Variants in GPSM2 observed in about 807,000 individuals in gnomAD.
The protein encoded by GPSM2 is G protein-signaling modulator 2.
GPSM2 carries 58 observed loss-of-function variants against 78.4 expected under a neutral mutation model. The ratio of observed to expected loss-of-function variants is 0.74; its 90% CI spans 0.60 to 0.92. The LOEUF is 0.92. Among genes scored for constraint, GPSM2 ranks in the 40% least tolerant of loss-of-function variants. The pLI, the probability that GPSM2 is intolerant of heterozygous loss-of-function variation, is 0.00. For missense variants in GPSM2, 700 were observed against 815.5 expected (o/e 0.86, Z 1.73); for synonymous variants, 224 against 280.2 (o/e 0.80, Z 2.00).
chr1:108,908,110 G>A (rs1307391301), intron 10 of GPSM2, among the ~76,000 whole-genome samples: 2 of 152,230 alleles, frequency 1.3e-5, no homozygotes, highest in African/African-American at 4.8e-5. Flanking sequence ...CATGGCTCAC[G>A]CCTGTAATTC....
chr1:108,884,638 G>A (rs957384701), intron 1 of GPSM2, among the ~76,000 whole-genome samples: 13 of 152,144 alleles, frequency 8.5e-5, no homozygotes, highest in African/African-American at 3.1e-4. Context: ...GAAGGAGATG[G>A]GTTAGGTTGG....
chr1:108,897,999 A>G lies in GPSM2; in HGVS notation c.455A>G (p.Tyr152Cys). The G allele has an allele frequency of 1.9e-6, 3 of 1,613,980 alleles. No individual in the cohort carries two copies. The highest frequency in any genetic ancestry group is 1.7e-6 in the Non-Finnish European group (2 of 1,179,798). Residue 152 changes from tyrosine (Y) to cysteine (C), a missense_variant, in exon 5 of 15, where the codon TAT (tyrosine) becomes TGT (cysteine). By Grantham distance (194) the Tyr-to-Cys change is radical (BLOSUM62 -2). Coordinates refer to ENST00000264126, the MANE Select transcript of GPSM2 (RefSeq NM_013296.5). Reference sequence around the variant, plus strand: ...GCACTTTACAATCTTGGGAATGTGTATCATGCCAAAGGGAAAAGTTTTGGT... The same window carrying G: ...GCACTTTACAATCTTGGGAATGTGTGTCATGCCAAAGGGAAAAGTTTTGGT... ...ARALYNLGNV[Y>C]HAKGKSFGCP...
At chr1:108,881,526 C>T (rs565906683) in intron 1 of GPSM2, among the ~76,000 whole-genome samples, 13 of 152,176 alleles carry the variant, frequency 8.5e-5, no homozygotes, top group Non-Finnish European at 1.8e-4. Context: ...CATGAGTGAA[C>T]ACATTATTGC....
At position 108,897,481 on chromosome 1, in the gene GPSM2, G is replaced by A; in HGVS notation, c.279-11G>A. The A allele has an allele frequency of 1.3e-6, 2 of 1,599,102 alleles. No individual in the cohort carries two copies. On this transcript the variant is annotated splice_polypyrimidine_tract_variant and intron_variant, in intron 3 of 14. Transcript: ENST00000264126. Reference sequence around the variant, plus strand: ...TTTGGTTTTTTGTTTTTTGTTTTTTGTTTTTTTCAGGACTATTGGAGACCA... The same window carrying A: ...TTTGGTTTTTTGTTTTTTGTTTTTTATTTTTTTCAGGACTATTGGAGACCA...
Position 108,922,491 on chromosome 1 carries a change from T to G in GPSM2, c.1515T>G (p.Asp505Glu). 3 of 1,611,834 alleles carry G rather than the reference T, an allele frequency of 1.9e-6. No individual in the cohort carries two copies. Among genetic ancestry groups the G allele is most frequent in the Non-Finnish European group, 2.5e-6 (3 of 1,177,964 alleles). Residue 505 changes from aspartate (D) to glutamate (E), a missense_variant, in exon 13 of 15, where the codon GAT becomes GAG. Asp to Glu is a conservative substitution (Grantham distance 45). Coordinates refer to ENST00000264126, the MANE Select transcript of GPSM2 (RefSeq NM_013296.5). ...GCCGATTTCAAAGCAATAGGATGGA[T>G]GATCAGAGATGTTGCTTACAAGAAA... ...LLSRFQSNRM[D>E]DQRCCLQEKN...
chr1:108,894,834 A>G (rs543238420), intron 2 of GPSM2, among the ~76,000 whole-genome samples: 16 of 152,236 alleles, frequency 1.1e-4, no homozygotes, highest in Admixed American at 5.9e-4. Context: ...GTTCTAAACC[A>G]GAAGTCTGCT....
chr1:108,879,166 A>G (rs557932736), intron 1 of GPSM2, among the ~76,000 whole-genome samples: 14 of 152,386 alleles, frequency 9.2e-5, no homozygotes, highest in African/African-American at 2.2e-4. Context: ...TATACAAAAC[A>G]TAAGTGAAGA....
intron 7 of GPSM2, among the ~76,000 whole-genome samples, chr1:108,900,556 C>G (rs980034527): frequency 2.6e-5 from 4 of 152,050 alleles, no homozygotes; most frequent in African/African-American, 9.7e-5. Flanking sequence ...GTTATCAGGG[C>G]CAAACAAGAA....
chr1:108,909,185 TTTG>T (rs151240111), intron 10 of GPSM2, among the ~76,000 whole-genome samples: 3,731 of 152,252 alleles, frequency 0.025, 77 homozygotes, highest in South Asian at 0.058. Context: ...GTGTGAAGAT[TTTG>T]TTGTATGTTT....
chr1:108,913,427 A>G (rs1348375875), intron 10 of GPSM2, among the ~76,000 whole-genome samples: 1 of 152,216 alleles, frequency 6.6e-6, no homozygotes, highest in Admixed American at 6.5e-5. Flanking sequence ...TTTGCCAAAA[A>G]CAGCAATGAA....
In GPSM2 at chr1:108,906,934, A is replaced by G. The variant is rs544748092; in HGVS notation, c.1192+2680A>G. ...CTTTCAAAGTGCTGGGATTACAGGCATGAACCATCATGCCTGGCCTCAGAG... is the reference window on the plus strand; with the variant it reads ...CTTTCAAAGTGCTGGGATTACAGGCGTGAACCATCATGCCTGGCCTCAGAG... On this transcript the variant is annotated intron_variant, in intron 10 of 14. Transcript: ENST00000264126. Among the ~76,000 whole-genome samples, 13 of 152,296 alleles carry G rather than the reference A, an allele frequency of 8.5e-5. No homozygotes were observed. The East Asian group carries it at 1.9e-3, about 23-fold the overall frequency.
chr1:108,887,934 CT>C (rs1257551158), intron 2 of GPSM2, among the ~76,000 whole-genome samples: 2 of 152,176 alleles, frequency 1.3e-5, no homozygotes, highest in Non-Finnish European at 1.5e-5. Flanking sequence ...CAAAACAAGG[CT>C]ATCTGCACTA....
At position 108,918,716 on chromosome 1, in the gene GPSM2, A is replaced by G. The variant is rs944938394; in HGVS notation, c.1367A>G (p.Lys456Arg). ...FVNRLKGKKY[K>R]TNSSTKVLQD... ...AACAGACTGAAGGGGAAAAAATACA[A>G]AACGAATTCCTCCACTAAAGTTCTC... is the stretch of plus-strand genomic sequence containing the variant. The change falls in exon 12 of 15, where the codon AAA (lysine) becomes AGA (arginine). Residue 456 changes from lysine to arginine, a missense_variant. By Grantham distance (26) the Lys-to-Arg change is conservative (BLOSUM62 2). Coordinates refer to ENST00000264126, the MANE Select transcript of GPSM2 (RefSeq NM_013296.5). The G allele has an allele frequency of 1.2e-6, 2 of 1,613,640 alleles. No homozygotes were observed. The highest frequency in any genetic ancestry group is 1.7e-6 in the Non-Finnish European group (2 of 1,179,582).
intron 14 of GPSM2, among the ~76,000 whole-genome samples, chr1:108,926,052 T>C (rs1258445315): frequency 6.6e-6 from 1 of 152,114 alleles, no homozygotes; most frequent in Admixed American, 6.6e-5. Context: ...CAGTTAAGAT[T>C]GGAGTTGGGG....
Position 108,885,722 on chromosome 1 carries a change from G to C in GPSM2, c.56+144G>C, listed in dbSNP as rs1346301371. 1.4e-5 allele frequency: 9 copies of C among 648,444 alleles called. No individual in the cohort carries two copies. In the Admixed American group the frequency reaches 2.3e-4, roughly 16 times the overall value. The allele number at this position is 648,444 out of a possible 1,614,324, so 40.2% of individuals were successfully genotyped here. On this transcript the variant is annotated intron_variant, in intron 2 of 14. Transcript: ENST00000264126. The stretch of plus-strand genomic sequence containing the variant: ...CTGTAGACAATATTTTCTTTTTGTT[G>C]TAAGTTTTCCTTTCTGTAAGAAAAT...
rs532233981 is a variant in GPSM2 at position 108,903,976 on chromosome 1, TTTCA to T, written c.1063-139_1063-136del. On this transcript the variant is annotated intron_variant, in intron 9 of 14. Transcript: ENST00000264126. ...AAGACAACTATTAATGGAAAAAAAT[TTTCA>T]TTCATTCATAGTCTCATAATTCTAA... 3.2e-4 allele frequency: 197 copies of T among 614,222 alleles called. 2 individuals are homozygous for T. The East Asian group carries it at 5.6e-3, about 17-fold the overall frequency. 38.0% of individuals were successfully genotyped at this position (614,222 alleles called of 1,614,324 possible). A position where few individuals can be genotyped will look rare whatever the true frequency, so the allele number is the denominator to read the frequency against.
At chr1:108,907,977 C>G (rs1323708351) in intron 10 of GPSM2, among the ~76,000 whole-genome samples, 1 of 152,220 alleles carries the variant, frequency 6.6e-6, no homozygotes, top group Non-Finnish European at 1.5e-5. Flanking sequence ...TTGACCAACA[C>G]AATTAATAGG....
intron 11 of GPSM2, among the ~76,000 whole-genome samples, chr1:108,916,490 A>C (rs911294017): frequency 6.6e-6 from 1 of 152,206 alleles, no homozygotes; most frequent in African/African-American, 2.4e-5. Context: ...GATTTTCCCA[A>C]ATGTCCAGCT....
At position 108,898,086 on chromosome 1, in the gene GPSM2, C is replaced by G. The variant is rs1648511142; in HGVS notation, c.542C>G (p.Ala181Gly). 38 of 1,613,822 alleles carry G rather than the reference C, an allele frequency of 2.4e-5. No homozygotes were observed. Among genetic ancestry groups the G allele is most frequent in the Non-Finnish European group, 3.0e-5 (35 of 1,179,876 alleles). ...PEEVRDALQA[A>G]VDFYEENLSL... is the part of the protein sequence containing the mutation. ...GAAGTGAGAGATGCTCTGCAGGCAG[C>G]CGTGGATTTTTATGAGTGAGTAGGG... Residue 181 changes from alanine to glycine, a missense_variant, in exon 5 of 15, where the codon GCC becomes GGC. Coordinates refer to ENST00000264126, the MANE Select transcript of GPSM2 (RefSeq NM_013296.5).
Sources: allele counts gnomAD v4.1 joint callset (sites outside exome capture counted in the v4.1 genomes callset), GRCh38; gene constraint gnomAD v4.1.1; transcripts MANE v1.5; gene names NCBI Gene and HGNC (gene_info 2026-07-23, HGNC 2026-07-21).